Variants in MLLT10 observed in about 807,000 individuals in gnomAD.
MLLT10 encodes the protein protein AF-10.
Under a neutral mutation model 129.1 loss-of-function variants are expected in MLLT10, and 30 were observed. That is an observed-to-expected ratio of 0.23 (90% CI 0.17 to 0.32). The LOEUF (loss-of-function observed/expected upper bound fraction) is 0.32. Among genes scored for constraint, MLLT10 ranks in the 10% least tolerant of loss-of-function variants. The pLI is 1.00. For missense variants in MLLT10, 1,119 were observed against 1,268.3 expected, an observed-to-expected ratio of 0.88 and a Z score of 1.79; for synonymous variants, 490 against 446.4, an observed-to-expected ratio of 1.10 and a Z score of -1.23.
chr10:21,741,525 A>AT lies in MLLT10; in HGVS notation c.3163-406dup, dbSNP rs540694250. ...GTCTTTAATAATAGGCTGTAACTCC[A>AT]TTTTTTTTATAGATTAGTAAAAGGA... is the stretch of plus-strand genomic sequence containing the variant. On this transcript the variant is annotated intron_variant, in intron 22 of 22. Coordinates refer to ENST00000307729, the MANE Select transcript of MLLT10 (RefSeq NM_001195626.3). 4.6e-3 allele frequency among the ~76,000 whole-genome samples: 706 copies of AT among 152,102 alleles called. 3 individuals are homozygous for AT. The highest frequency in any genetic ancestry group is 0.017 in the Middle Eastern group (5 of 294).
intron 3 of MLLT10, among the ~76,000 whole-genome samples, chr10:21,569,635 G>A (rs2039984825): frequency 6.6e-6 from 1 of 151,976 alleles, no homozygotes; most frequent in Admixed American, 6.6e-5. Context: ...TGGCGAGGCT[G>A]GACTCGAATT....
At chr10:21,676,720 C>CAA (rs56000691) in intron 11 of MLLT10, among the ~76,000 whole-genome samples, 1,128 of 32,000 alleles carry the variant, frequency 0.035, 424 homozygotes, top group East Asian at 0.12. Context: ...GACTCCATCT[C>CAA]AAAAAAAAAA....
intron 8 of MLLT10, among the ~76,000 whole-genome samples, chr10:21,643,449 C>T (rs150108878): frequency 1.8e-4 from 27 of 152,246 alleles, no homozygotes; most frequent in Non-Finnish European, 2.4e-4. Context: ...GTTAGCTGCT[C>T]ACTATTAGTC....
rs188054531 is a variant in MLLT10 at position 21,658,670 on chromosome 10, T to C, written c.795+6902T>C. 1.9e-3 allele frequency among the ~76,000 whole-genome samples: 296 copies of C among 152,246 alleles called. 3 individuals carry two copies. The highest frequency in any genetic ancestry group is 6.8e-3 in the African/African-American group (283 of 41,534). ...GTGGCTCACCATGGTAGGTATATGC[T>C]TTTTTTGTATGTGTGACGGAGTCTC... On this transcript the variant is annotated intron_variant, in intron 9 of 22. Coordinates refer to ENST00000307729, the MANE Select transcript of MLLT10 (RefSeq NM_001195626.3).
intron 5 of MLLT10, among the ~76,000 whole-genome samples, chr10:21,611,764 C>G (rs1427432082): frequency 6.6e-6 from 1 of 152,090 alleles, no homozygotes; most frequent in African/African-American, 2.4e-5. Flanking sequence ...CATTTCTGAC[C>G]TACTTAGCTA....
At chr10:21,538,742 G>T in intron 2 of MLLT10, 91 bp from the exon 3 acceptor site, 1 of 860,494 alleles carries the variant, frequency 1.2e-6, no homozygotes, top group East Asian at 2.5e-5. Flanking sequence ...CTTGAATAGT[G>T]ACAGGTGGAT....
chr10:21,613,957 A>G (rs1214012052), intron 6 of MLLT10, among the ~76,000 whole-genome samples: 2 of 151,864 alleles, frequency 1.3e-5, no homozygotes, highest in Non-Finnish European at 2.9e-5. Flanking sequence ...TGCAGTGGCT[A>G]TGCCTGTAAT....
intron 8 of MLLT10, chr10:21,624,930 G>T: frequency 7.6e-7 from 1 of 1,311,806 alleles, no homozygotes; most frequent in Non-Finnish European, 1.1e-6. Flanking sequence ...ACCTCTTGGA[G>T]GTGGTGCTCC....
intron 10 of MLLT10, 32 bp from the exon 11 acceptor site, chr10:21,673,318 C>CAGGTT: frequency 6.5e-6 from 2 of 307,340 alleles, no homozygotes; most frequent in Middle Eastern, 1.1e-3. Context: ...CACCCCCCAA[C>CAGGTT]TTTTTTTTTT....
intron 13 of MLLT10, among the ~76,000 whole-genome samples, chr10:21,702,052 G>A (rs541612136): frequency 5.9e-5 from 9 of 151,760 alleles, no homozygotes; most frequent in African/African-American, 2.2e-4. Context: ...TCAGCCTCCC[G>A]AGTAGCTAGG....
intron 8 of MLLT10, among the ~76,000 whole-genome samples, chr10:21,630,661 T>C (rs2046911012): frequency 6.6e-6 from 1 of 152,240 alleles, no homozygotes; most frequent in Non-Finnish European, 1.5e-5. Flanking sequence ...AGGCAAATGC[T>C]AACAGTCTGG....
chr10:21,709,229 G>A (rs1186064877), intron 13 of MLLT10, among the ~76,000 whole-genome samples: 19 of 67,250 alleles, frequency 2.8e-4, no homozygotes, highest in Non-Finnish European at 2.9e-4. Context: ...CATTTTATCT[G>A]CTTTTTTTTT....
chr10:21,667,785 T>G lies in MLLT10; in HGVS notation c.796-2664T>G, dbSNP rs185745768. On this transcript the variant is annotated intron_variant, in intron 9 of 22. Transcript: ENST00000307729. Reference sequence around the variant, plus strand: ...GTAAATAATCATAGCTGCTGTTTCTTTGGTTACTTGTTATAGAGTCATTGT... The same window carrying G: ...GTAAATAATCATAGCTGCTGTTTCTGTGGTTACTTGTTATAGAGTCATTGT... Among the ~76,000 whole-genome samples the G allele has an allele frequency of 5.2e-4, 79 of 152,296 alleles. 2 individuals carry two copies. In the East Asian group the frequency reaches 0.014, roughly 27 times the overall value.
At chr10:21,738,051 C>T (rs556725760) in intron 21 of MLLT10, among the ~76,000 whole-genome samples, 3 of 152,146 alleles carry the variant, frequency 2.0e-5, no homozygotes, top group South Asian at 2.1e-4. Flanking sequence ...GGGCGGATCA[C>T]GAGGTCAGGA....
At chr10:21,586,416 T>G (rs2041992011) in intron 4 of MLLT10, 68 bp downstream of exon 4, 1 of 1,143,236 alleles carries the variant, frequency 8.7e-7, no homozygotes, top group African/African-American at 1.6e-5. Flanking sequence ...TTCAAATATT[T>G]GGTAGTTTAT....
At chr10:21,726,681 CTTTTTTTTTTTTTT>C (rs35036202) in intron 15 of MLLT10, among the ~76,000 whole-genome samples, 3 of 87,604 alleles carry the variant, frequency 3.4e-5, no homozygotes, top group African/African-American at 4.4e-5. Context: ...TAGCAATGTC[CTTTTTTTTTTTTTT>C]TTTTTTTTTT....
At chr10:21,536,363 G>T (rs570777831) in intron 2 of MLLT10, among the ~76,000 whole-genome samples, 2 of 152,266 alleles carry the variant, frequency 1.3e-5, no homozygotes, top group South Asian at 4.2e-4. Context: ...GAAGGCCAAT[G>T]AATTTCTTAT....
chr10:21,672,096 T>C (rs1051078219), intron 10 of MLLT10, among the ~76,000 whole-genome samples: 12 of 152,044 alleles, frequency 7.9e-5, no homozygotes, highest in African/African-American at 2.7e-4. Flanking sequence ...AATAAGTTGT[T>C]GATTAATAAT....
chr10:21,634,273 T>C (rs1436292975), intron 8 of MLLT10, among the ~76,000 whole-genome samples: 1 of 152,114 alleles, frequency 6.6e-6, no homozygotes, highest in South Asian at 2.1e-4. Flanking sequence ...TTTCATGACA[T>C]TGACATTTTC....
Sources: allele counts gnomAD v4.1 joint callset (sites outside exome capture counted in the v4.1 genomes callset), GRCh38; gene constraint gnomAD v4.1.1; transcripts MANE v1.5; gene names NCBI Gene and HGNC (gene_info 2026-07-23, HGNC 2026-07-21).